Variants in CENPI observed in about 807,000 individuals in gnomAD.
CENPI encodes the protein FSH primary response 1.
In CENPI, 4 loss-of-function variants were observed where a neutral mutation model predicts 60.4. That is an observed-to-expected ratio of 0.07 (90% CI 0.03 to 0.15). The LOEUF is 0.15. Ranked by LOEUF, CENPI falls within the 10% of genes least tolerant of loss-of-function variation. The probability of loss-of-function intolerance (pLI) is 1.00; values close to 1 mark genes in which losing one functional copy is unlikely to be tolerated. For synonymous variants in CENPI, 157 were observed against 189.4 expected, an observed-to-expected ratio of 0.83 and a Z score of 1.40; for missense variants, 444 against 534.5, an observed-to-expected ratio of 0.83 and a Z score of 1.67.
chrX:101,176,425 A>G, the CENPI span, among the ~76,000 whole-genome samples: 1 of 110,421 alleles, frequency 9.1e-6, no homozygotes, highest in African/African-American at 3.3e-5. Context: ...CCCCTTTCAC[A>G]TCCTTGCCAG....
At chrX:101,105,720 G>A (rs774850029) in intron 4 of CENPI, among the ~76,000 whole-genome samples, 32 of 111,119 alleles carry the variant, frequency 2.9e-4, no homozygotes, top group African/African-American at 1.0e-3. Flanking sequence ...GACTACAGGT[G>A]CGTGCCACTG....
At chrX:101,159,319 G>A (rs907095664) in intron 20 of CENPI, among the ~76,000 whole-genome samples, 5 of 109,014 alleles carry the variant, frequency 4.6e-5, no homozygotes, top group Non-Finnish European at 9.5e-5. Context: ...CCGCCACCAC[G>A]CCTGGCTAAT....
At chrX:101,123,661 C>T (rs1461279486) in intron 8 of CENPI, among the ~76,000 whole-genome samples, 1 of 110,689 alleles carries the variant, frequency 9.0e-6, no homozygotes, top group Non-Finnish European at 1.9e-5. Flanking sequence ...GATCATGGCT[C>T]ACTGCCACCG....
chrX:101,156,733 G>A (rs1317983231), intron 20 of CENPI, among the ~76,000 whole-genome samples: 3 of 91,839 alleles, frequency 3.3e-5, no homozygotes, highest in African/African-American at 8.6e-5. Flanking sequence ...TCCCACTTAT[G>A]AGTGAGAATA....
intron 8 of CENPI, among the ~76,000 whole-genome samples, chrX:101,125,121 A>G (rs1362541594): frequency 9.0e-6 from 1 of 111,366 alleles, no homozygotes; most frequent in African/African-American, 3.3e-5. Context: ...CTTTCATGCA[A>G]TACTCCTGTT....
the CENPI span, among the ~76,000 whole-genome samples, chrX:101,174,587 C>T: frequency 3.6e-5 from 4 of 110,626 alleles, no homozygotes; most frequent in Admixed American, 9.7e-5. Flanking sequence ...ACCACGTGTT[C>T]GCCCTTATAA....
intron 8 of CENPI, among the ~76,000 whole-genome samples, chrX:101,122,830 C>G (rs961947445): frequency 8.9e-6 from 1 of 111,898 alleles, no homozygotes; most frequent in Non-Finnish European, 1.9e-5. Flanking sequence ...GAGCTGAGAT[C>G]ACGCCAGCCT....
At chrX:101,103,640 C>G (rs963938566) in intron 4 of CENPI, among the ~76,000 whole-genome samples, 1 of 112,026 alleles carries the variant, frequency 8.9e-6, no homozygotes, top group South Asian at 3.7e-4. Flanking sequence ...TGTGTCCGAC[C>G]TTCCTTTTAG....
chrX:101,147,573 C>T (rs1249883506), intron 18 of CENPI, among the ~76,000 whole-genome samples, 190 bp from the exon 19 acceptor site: 1 of 111,711 alleles, frequency 9.0e-6, no homozygotes, highest in Admixed American at 9.6e-5. Flanking sequence ...CTTATTGAGC[C>T]TCTATTTTCA....
rs1407169957 is a variant in CENPI at position 101,148,181 on chromosome X, T to G, written c.2094+20T>G. 8.7e-7 allele frequency: 1 copy of G among 1,143,337 alleles called. No homozygotes were observed. The highest frequency in any genetic ancestry group is 2.3e-5 in the Admixed American group (1 of 43,960). The allele number at this position is 1,143,337 out of a possible 1,213,427, so 94.2% of individuals were successfully genotyped here. A position where few individuals can be genotyped will look rare whatever the true frequency, so the allele number is the denominator to read the frequency against. On this transcript the variant is annotated intron_variant, in intron 20 of 21. Transcript: ENST00000682095. ...CTACAGGTAAGGGTATTTAAAGAATTTTTAGATTTTGTATCTTAATACTGT... is the reference window on the plus strand; with the variant it reads ...CTACAGGTAAGGGTATTTAAAGAATGTTTAGATTTTGTATCTTAATACTGT...
At chrX:101,123,975 T>G (rs1419368369) in intron 8 of CENPI, among the ~76,000 whole-genome samples, 1 of 111,500 alleles carries the variant, frequency 9.0e-6, no homozygotes, top group Non-Finnish European at 1.9e-5. Context: ...ACTTGTTCAT[T>G]GTAGGATCTT....
chrX:101,127,198 A>G lies in CENPI; in HGVS notation c.838A>G (p.Asn280Asp). ...GGCTCTGCTTGCCGTGAAGCAAAGA[A>G]ACCGGGGACCTTCTCCAGAACCTCT... is the stretch of plus-strand genomic sequence containing the variant. Reference protein sequence around the residue: ...KTALLAVKQRNRGPSPEPLKL... With the variant: ...KTALLAVKQRDRGPSPEPLKL... Residue 280 changes from asparagine to aspartate, a missense_variant, in exon 10 of 22, where the codon AAC becomes GAC. By Grantham distance (23) the Asn-to-Asp change is conservative. Transcript: ENST00000682095. 8.3e-7 allele frequency: 1 copy of G among 1,197,721 alleles called. No individual in the cohort carries two copies. Among genetic ancestry groups the G allele is most frequent in the Non-Finnish European group, 1.1e-6 (1 of 888,785 alleles).
intron 20 of CENPI, 94 bp downstream of exon 20, chrX:101,148,255 G>A: frequency 6.6e-6 from 5 of 759,859 alleles, no homozygotes; most frequent in Non-Finnish European, 9.7e-6. Flanking sequence ...TGAATTGTAA[G>A]ACGTGTGTTT....
intron 4 of CENPI, among the ~76,000 whole-genome samples, chrX:101,108,503 C>T (rs5967245): frequency 0.037 from 4,114 of 110,894 alleles, 232 homozygotes; most frequent in African/African-American, 0.13. Context: ...GCCCCAAATT[C>T]AGCATTTTTT....
downstream of CENPI, among the ~76,000 whole-genome samples, chrX:101,169,963 A>T (rs1247019094): frequency 8.9e-6 from 1 of 112,588 alleles, no homozygotes; most frequent in Non-Finnish European, 1.9e-5. Flanking sequence ...AAAAAATTTT[A>T]AAATTTTAAG....
downstream of CENPI, among the ~76,000 whole-genome samples, chrX:101,169,278 A>G (rs2090151344): frequency 9.0e-6 from 1 of 111,556 alleles, no homozygotes; most frequent in South Asian, 3.7e-4. Flanking sequence ...TTGATGAAAA[A>G]CAATCTACAC....
At chrX:101,168,078 G>C (rs2090148584), downstream of CENPI, among the ~76,000 whole-genome samples, 1 of 112,591 alleles carries the variant, frequency 8.9e-6, no homozygotes, top group Middle Eastern at 4.6e-3. Context: ...AAAGAGCAAA[G>C]GAGGCCTTGC....
chrX:101,099,874 A>AC (rs1424058042), intron 2 of CENPI: 1 of 96,495 alleles, frequency 1.0e-5, no homozygotes, highest in African/African-American at 4.0e-5. Flanking sequence ...TGCAGCCTCG[A>AC]CCCCCGGGGC....
At chrX:101,181,413 CAATT>C in the CENPI span, among the ~76,000 whole-genome samples, 1 of 112,182 alleles carries the variant, frequency 8.9e-6, no homozygotes, top group Non-Finnish European at 1.9e-5. Context: ...TGACTTAAAA[CAATT>C]TTAAGTTTTC....
Sources: gnomAD v4.1 joint callset for allele counts (sites outside exome capture counted in the v4.1 genomes callset) on GRCh38, gnomAD v4.1.1 for gene constraint, MANE v1.5 for transcripts, NCBI Gene and HGNC (gene_info 2026-07-23, HGNC 2026-07-21) for gene names.